The following SLC7A14 variants were observed in gnomAD, a reference collection of about 807,000 sequenced individuals.
SLC7A14 encodes the protein solute carrier family 7 member 14.
SLC7A14 carries 37 observed loss-of-function variants against 60.2 expected under a neutral mutation model. The observed-to-expected ratio is 0.61, with a 90% CI of 0.47 to 0.81. The LOEUF (loss-of-function observed/expected upper bound fraction) is 0.81. Among genes scored for constraint, SLC7A14 ranks in the 30% least tolerant of loss-of-function variants. The probability of loss-of-function intolerance (pLI) is 0.00; values close to 1 mark genes in which losing one functional copy is unlikely to be tolerated. For missense variants in SLC7A14, 886 were observed against 982.7 expected (o/e 0.90, Z 1.32); for synonymous variants, 399 against 395.8 (o/e 1.01, Z -0.10).
At position 170,461,486 on chromosome 3, in the gene SLC7A14, C is replaced by G. The variant is rs1042490938; in HGVS notation, c.*5569G>C. ...TAAGGAGAAAAAAAAATTAAAACAG[C>G]CTTTCTTCTAAAACTCTTAGAGAAA... is the stretch of plus-strand genomic sequence containing the variant. On this transcript the variant is annotated 3_prime_UTR_variant, in exon 8 of 8. Coordinates refer to ENST00000231706, the MANE Select transcript of SLC7A14 (RefSeq NM_020949.3). The G allele has an allele frequency of 2.6e-5, 4 of 152,220 alleles. No individual in the cohort carries two copies. The highest frequency in any genetic ancestry group is 5.9e-5 in the Non-Finnish European group (4 of 68,050). 9.4% of individuals were successfully genotyped at this position (152,220 alleles called of 1,614,324 possible). A position where few individuals can be genotyped will look rare whatever the true frequency, so the allele number is the denominator to read the frequency against.
Position 170,535,068 on chromosome 3 carries a change from T to G in SLC7A14, c.-152-7980A>C, listed in dbSNP as rs1330386486. Among the ~76,000 whole-genome samples the G allele has an allele frequency of 6.6e-6, 1 of 152,038 alleles. No homozygotes were observed. The highest frequency in any genetic ancestry group is 1.9e-4 in the East Asian group (1 of 5,180). On this transcript the variant is annotated intron_variant, in intron 1 of 7. Transcript: ENST00000231706. The surrounding 1 kb of genome is among the most constrained non-coding windows in gnomAD (Gnocchi z 4.3). Reference sequence around the variant, plus strand: ...ATCACAGTTTGACATCACCTTCTCCTCTCCTTTTCCATGGACCTCAGGTCC... The same window carrying G: ...ATCACAGTTTGACATCACCTTCTCCGCTCCTTTTCCATGGACCTCAGGTCC...
chr3:170,567,542 T>C (rs1714828992), intron 1 of SLC7A14, among the ~76,000 whole-genome samples: 1 of 151,720 alleles, frequency 6.6e-6, no homozygotes, highest in African/African-American at 2.4e-5. Flanking sequence ...GATGGCTGGG[T>C]CAAATGGTAT....
chr3:170,499,451 G>A (rs1385733918), intron 3 of SLC7A14, among the ~76,000 whole-genome samples: 2 of 151,994 alleles, frequency 1.3e-5, no homozygotes, highest in Non-Finnish European at 2.9e-5. Context: ...TTACAACAGC[G>A]CCTATGAAAC....
At position 170,480,500 on chromosome 3, in the gene SLC7A14, G is replaced by A. The variant is rs143645406; in HGVS notation, c.1782C>T (p.Ser594=). ...IFGSDYISEQ[S]WWAILLVVLM... Reference sequence around the variant, plus strand: ...GAACAACCAGAAGGATGGCCCACCAGCTCTGCTCTGAGATGTAGTCAGAAC... The same window carrying A: ...GAACAACCAGAAGGATGGCCCACCAACTCTGCTCTGAGATGTAGTCAGAAC... Residue 594 remains serine, a synonymous_variant, in exon 7 of 8, where the codon AGC becomes AGT. Coordinates refer to ENST00000231706, the MANE Select transcript of SLC7A14 (RefSeq NM_020949.3). 1.2e-6 allele frequency: 2 copies of A among 1,614,106 alleles called. No individual in the cohort carries two copies. The highest frequency in any genetic ancestry group is 1.3e-5 in the African/African-American group (1 of 74,930).
chr3:170,546,093 A>G (rs1215816047), intron 1 of SLC7A14, among the ~76,000 whole-genome samples: 1 of 152,242 alleles, frequency 6.6e-6, no homozygotes, highest in African/African-American at 2.4e-5. Context: ...TGGCATTAGA[A>G]GAGAAGAAAT....
chr3:170,481,220 A>C, intron 6 of SLC7A14, 54 bp from the exon 7 acceptor site: 1 of 1,545,392 alleles, frequency 6.5e-7, no homozygotes, highest in Admixed American at 1.9e-5. Flanking sequence ...GACCGATTCC[A>C]GTGCAGCCAA....
chr3:170,498,108 C>T (rs1712467199), intron 4 of SLC7A14, among the ~76,000 whole-genome samples: 1 of 152,234 alleles, frequency 6.6e-6, no homozygotes, highest in Non-Finnish European at 1.5e-5. Context: ...TCCCTACTGT[C>T]CCCTTTCCCT....
At chr3:170,573,300 AG>A (rs1428708249) in intron 1 of SLC7A14, among the ~76,000 whole-genome samples, 1 of 152,230 alleles carries the variant, frequency 6.6e-6, no homozygotes, top group African/African-American at 2.4e-5. Flanking sequence ...AACTCTCCAA[AG>A]GAGACCAACA....
In SLC7A14 at chr3:170,479,123, A is replaced by T. The variant is rs148746527; in HGVS notation, c.1993+1166T>A. Among the ~76,000 whole-genome samples, 720 of 149,114 alleles carry T rather than the reference A, an allele frequency of 4.8e-3. 6 individuals carry two copies. The highest frequency in any genetic ancestry group is 0.017 in the African/African-American group (699 of 40,982). ...GGCGACACAGCAAGACTCCATCTCA[A>T]CAACAACAAACAAAACAAAACAAAC... On this transcript the variant is annotated intron_variant, in intron 7 of 7. Coordinates refer to ENST00000231706, the MANE Select transcript of SLC7A14 (RefSeq NM_020949.3).
At chr3:170,504,409 C>T (rs556723357) in intron 2 of SLC7A14, among the ~76,000 whole-genome samples, 1 of 151,998 alleles carries the variant, frequency 6.6e-6, no homozygotes, top group Non-Finnish European at 1.5e-5. Context: ...CAACCTCCAC[C>T]TCCTGGGTTC....
At chr3:170,525,744 C>G (rs1713473502) in intron 2 of SLC7A14, among the ~76,000 whole-genome samples, 2 of 152,174 alleles carry the variant, frequency 1.3e-5, no homozygotes, top group African/African-American at 4.8e-5. Flanking sequence ...TGTATGAGAA[C>G]CAGAATAATT....
At chr3:170,475,440 T>C (rs1287961961) in intron 7 of SLC7A14, among the ~76,000 whole-genome samples, 1 of 152,220 alleles carries the variant, frequency 6.6e-6, no homozygotes, top group Non-Finnish European at 1.5e-5. Flanking sequence ...ATCTGATATC[T>C]TGGAGGCTCA....
In SLC7A14 at chr3:170,501,080, T is replaced by C. The variant is rs773521518; in HGVS notation, c.541+29A>G. On this transcript the variant is annotated intron_variant, in intron 3 of 7. Coordinates refer to ENST00000231706, the MANE Select transcript of SLC7A14 (RefSeq NM_020949.3). ...TTATGTGGCTTGGTAAGTTTGCATG[T>C]TGAGGGTAGGAGGATGTGGCAGTCT... is the stretch of plus-strand genomic sequence containing the variant. 1.4e-5 allele frequency: 23 copies of C among 1,606,230 alleles called. No homozygotes were observed. The Admixed American group carries it at 3.5e-4, about 24-fold the overall frequency.
At chr3:170,570,441 C>G (rs1053848793) in intron 1 of SLC7A14, 1 of 110,940 alleles carries the variant, frequency 9.0e-6, no homozygotes, top group African/African-American at 4.8e-5. Context: ...AGAGTGAGAC[C>G]CTGTCTCAAA....
chr3:170,555,883 A>G (rs1481534557), intron 1 of SLC7A14, among the ~76,000 whole-genome samples: 1 of 152,226 alleles, frequency 6.6e-6, no homozygotes, highest in Non-Finnish European at 1.5e-5. Flanking sequence ...AAATTTTTCT[A>G]TTATAAATAA....
At chr3:170,564,973 G>A (rs1714753854) in intron 1 of SLC7A14, among the ~76,000 whole-genome samples, 1 of 152,046 alleles carries the variant, frequency 6.6e-6, no homozygotes, top group Non-Finnish European at 1.5e-5. Context: ...TTTGTTTTAG[G>A]ACTTCTAGAA....
intron 2 of SLC7A14, among the ~76,000 whole-genome samples, chr3:170,501,798 T>C (rs1712617182): frequency 6.6e-6 from 1 of 152,246 alleles, no homozygotes; most frequent in Admixed American, 6.5e-5. Context: ...TCTGTGAAAA[T>C]GCTGTACTAT....
Position 170,480,331 on chromosome 3 carries a change from A to T in SLC7A14, c.1951T>A (p.Ser651Thr). 6.4e-7 allele frequency: 1 copy of T among 1,561,786 alleles called. No homozygotes were observed. Among genetic ancestry groups the T allele is most frequent in the Non-Finnish European group, 8.7e-7 (1 of 1,153,808 alleles). ...GCAAACCGGATCCATGTGATGGTGG[A>T]GAGCTTTAGCATGAGATAGATGTTC... ...LVNIYLMLKLSTITWIRFAVW... is the reference protein window; with the variant it reads ...LVNIYLMLKLTTITWIRFAVW... Residue 651 changes from serine to threonine, a missense_variant, in exon 7 of 8, where the codon TCC becomes ACC. Ser to Thr is a moderately conservative substitution (Grantham distance 58). Transcript: ENST00000231706.
chr3:170,530,019 A>G (rs909758824), intron 1 of SLC7A14, among the ~76,000 whole-genome samples: 1 of 152,216 alleles, frequency 6.6e-6, no homozygotes, highest in Non-Finnish European at 1.5e-5. Context: ...GTGAGACAAT[A>G]CATTTCTATT....
Sources: gnomAD v4.1 joint callset for allele counts (sites outside exome capture counted in the v4.1 genomes callset) on GRCh38, gnomAD v4.1.1 for gene constraint, Gnocchi (gnomAD v3.1) non-coding constraint, MANE v1.5 for transcripts, NCBI Gene and HGNC (gene_info 2026-07-23, HGNC 2026-07-21) for gene names.